The following HSF2BP variants were observed in gnomAD, a reference collection of about 807,000 sequenced individuals.
The protein encoded by HSF2BP is heat shock factor 2-binding protein.
In HSF2BP, 35 loss-of-function variants were observed where a neutral mutation model predicts 35.0. The ratio of observed to expected loss-of-function variants is 1.00; its 90% CI spans 0.76 to 1.32. The LOEUF is 1.32. Ranked by LOEUF, HSF2BP falls within the 40% of genes most tolerant of loss-of-function variation. The pLI is 0.00. For synonymous variants in HSF2BP, 114 were observed against 117.4 expected (o/e 0.97, Z 0.18); for missense variants, 326 against 321.7 (o/e 1.01, Z -0.10).
the HSF2BP span, among the ~76,000 whole-genome samples, chr21:43,496,111 AAAG>A: frequency 2.9e-5 from 4 of 136,024 alleles, no homozygotes; most frequent in Admixed American, 2.2e-4. Context: ...CCAAATTGGA[AAAG>A]AAGTAAAATC....
chr21:43,652,327 C>T (rs1325293886), intron 3 of HSF2BP, among the ~76,000 whole-genome samples: 6 of 148,608 alleles, frequency 4.0e-5, no homozygotes, highest in Non-Finnish European at 8.9e-5. Context: ...AGCTTGAACC[C>T]GGGAGGCAGA....
At chr21:43,649,995 G>T (rs959780077) in intron 3 of HSF2BP, among the ~76,000 whole-genome samples, 1 of 152,052 alleles carries the variant, frequency 6.6e-6, no homozygotes, top group Non-Finnish European at 1.5e-5. Context: ...GTCTTCTTGC[G>T]ACTTCACAAG....
intron 8 of HSF2BP, among the ~76,000 whole-genome samples, chr21:43,591,763 A>C (rs2081928030): frequency 6.6e-6 from 1 of 152,208 alleles, no homozygotes. Flanking sequence ...TAAGTTTTAA[A>C]TTGCACACCA....
intron 3 of HSF2BP, among the ~76,000 whole-genome samples, chr21:43,653,519 T>G (rs1014353139): frequency 1.3e-5 from 2 of 152,176 alleles, no homozygotes; most frequent in African/African-American, 4.8e-5. Context: ...GTCGAGGTAG[T>G]CAGATTAGGC....
intron 7 of HSF2BP, among the ~76,000 whole-genome samples, chr21:43,610,874 C>T (rs1451022646): frequency 2.0e-5 from 3 of 152,126 alleles, no homozygotes; most frequent in Non-Finnish European, 2.9e-5. Context: ...ATGCTCACTA[C>T]GGCATTATAT....
At chr21:43,614,227 G>A (rs1003742317) in intron 6 of HSF2BP, among the ~76,000 whole-genome samples, 10 of 151,896 alleles carry the variant, frequency 6.6e-5, no homozygotes, top group African/African-American at 2.2e-4. Flanking sequence ...AGCCGGGCAC[G>A]GTGTGTGCAC....
At chr21:43,632,401 CCCCACACACACATGCT>C (rs1184947525) in intron 5 of HSF2BP, among the ~76,000 whole-genome samples, 1 of 127,890 alleles carries the variant, frequency 7.8e-6, no homozygotes, top group Admixed American at 7.9e-5. Context: ...ACACACACTC[CCCCACACACACATGCT>C]CCCACACACA....
At position 43,627,275 on chromosome 21, in the gene HSF2BP, T is replaced by C. The variant is rs571579332; in HGVS notation, c.574+3047A>G. 1.2e-4 allele frequency among the ~76,000 whole-genome samples: 19 copies of C among 152,342 alleles called. No individual in the cohort carries two copies. In the East Asian group the frequency reaches 3.5e-3, roughly 28 times the overall value. On this transcript the variant is annotated intron_variant, in intron 6 of 8. Coordinates refer to ENST00000291560, the MANE Select transcript of HSF2BP (RefSeq NM_007031.2). ...GGGAAAGGTTTACTTTATTATCTTT[T>C]AGGAGAATTTTACTGAAGAGGCAAT...
the HSF2BP span, among the ~76,000 whole-genome samples, chr21:43,501,397 CT>C: frequency 6.7e-4 from 44 of 65,228 alleles, no homozygotes; most frequent in Admixed American, 1.6e-3. Context: ...CTGTAGCTGT[CT>C]TTTTTTTTTT....
intron 6 of HSF2BP, among the ~76,000 whole-genome samples, chr21:43,625,480 T>C (rs551678476): frequency 4.1e-4 from 63 of 152,212 alleles, no homozygotes; most frequent in African/African-American, 1.5e-3. Context: ...GGGAAGGAAT[T>C]AGTTCCACAA....
the HSF2BP span, among the ~76,000 whole-genome samples, chr21:43,458,001 A>G: frequency 0.03 from 1,320 of 43,376 alleles, 179 homozygotes; most frequent in Non-Finnish European, 0.041. Flanking sequence ...TGGGGGAGGT[A>G]CCATTTCTTC....
chr21:43,619,461 C>T (rs907932878), intron 6 of HSF2BP, among the ~76,000 whole-genome samples: 1 of 152,176 alleles, frequency 6.6e-6, no homozygotes, highest in African/African-American at 2.4e-5. Flanking sequence ...CCAAGATTAT[C>T]AGCAGCAATA....
rs1479727345 is a variant in HSF2BP at position 43,656,775 on chromosome 21, C to CA, written c.37-39dup. ...GCAGATCTTATTATATTTCTCTTCA[C>CA]ATGAGAAAAAAAACAACAGCTCAAG... On this transcript the variant is annotated intron_variant, in intron 2 of 8. Coordinates refer to ENST00000291560, the MANE Select transcript of HSF2BP (RefSeq NM_007031.2). The CA allele has an allele frequency of 1.9e-6, 3 of 1,566,368 alleles. No individual in the cohort carries two copies. The African/African-American group carries it at 4.1e-5, about 22-fold the overall frequency.
the HSF2BP span, among the ~76,000 whole-genome samples, chr21:43,458,020 C>T: frequency 6.1e-5 from 4 of 65,272 alleles, no homozygotes; most frequent in East Asian, 7.4e-4. Flanking sequence ...TCCACACTCG[C>T]GCGTCCTCAG....
intron 3 of HSF2BP, among the ~76,000 whole-genome samples, chr21:43,646,044 G>A (rs1002135748): frequency 4.0e-5 from 6 of 151,758 alleles, no homozygotes; most frequent in South Asian, 2.1e-4. Flanking sequence ...GGCCCGGCTC[G>A]GTGGCTTATG....
chr21:43,621,411 C>T (rs756733091), intron 6 of HSF2BP, among the ~76,000 whole-genome samples: 6 of 151,954 alleles, frequency 3.9e-5, no homozygotes, highest in Non-Finnish European at 7.4e-5. Flanking sequence ...CCTGTGGTCT[C>T]AGCTACTCAG....
At chr21:43,612,994 T>C (rs1001284713) in intron 7 of HSF2BP, among the ~76,000 whole-genome samples, 7 of 152,176 alleles carry the variant, frequency 4.6e-5, no homozygotes, top group Non-Finnish European at 8.8e-5. Context: ...GTAATTAAGG[T>C]TACTAACCAG....
At chr21:43,631,538 C>G (rs1214656699) in intron 5 of HSF2BP, among the ~76,000 whole-genome samples, 1 of 152,182 alleles carries the variant, frequency 6.6e-6, no homozygotes, top group African/African-American at 2.4e-5. Flanking sequence ...CTAATCCATC[C>G]TCACCCACTG....
intron 4 of HSF2BP, among the ~76,000 whole-genome samples, 177 bp from the exon 5 acceptor site, chr21:43,633,598 CA>C (rs1422324161): frequency 2.0e-5 from 3 of 152,152 alleles, no homozygotes; most frequent in Non-Finnish European, 2.9e-5. Context: ...AAAGAAATTT[CA>C]AAGGCAAAAA....
Sources: gnomAD v4.1 joint callset for allele counts (sites outside exome capture counted in the v4.1 genomes callset) on GRCh38, gnomAD v4.1.1 for gene constraint, MANE v1.5 for transcripts, NCBI Gene and HGNC (gene_info 2026-07-23, HGNC 2026-07-21) for gene names.